The following APBB2 variants were observed in gnomAD, a reference collection of about 807,000 sequenced individuals.
APBB2 encodes Fe65-like 1.
In APBB2, 38 loss-of-function variants were observed where a neutral mutation model predicts 82.5. That is an observed-to-expected ratio of 0.46 (90% confidence interval 0.36 to 0.60). APBB2 has a LOEUF of 0.60. Among genes scored for constraint, APBB2 ranks in the 20% least tolerant of loss-of-function variants. APBB2 has a pLI of 0.00. For synonymous variants in APBB2, 341 were observed against 368.2 expected, an observed-to-expected ratio of 0.93 and a Z score of 0.85; for missense variants, 772 against 972.3, an observed-to-expected ratio of 0.79 and a Z score of 2.74.
intron 12 of APBB2, among the ~76,000 whole-genome samples, chr4:40,838,861 T>C (rs147226963): frequency 5.3e-5 from 8 of 152,204 alleles, no homozygotes; most frequent in African/African-American, 1.7e-4. Flanking sequence ...GGAATTTGCT[T>C]ATGTGTTTAC....
chr4:40,859,037 T>TAC (rs1261337684), intron 12 of APBB2, among the ~76,000 whole-genome samples: 3 of 152,176 alleles, frequency 2.0e-5, no homozygotes, highest in Non-Finnish European at 4.4e-5. Flanking sequence ...TCTCCTTCCT[T>TAC]ACACATCATT....
intron 6 of APBB2, among the ~76,000 whole-genome samples, chr4:40,987,905 C>T (rs1340397006): frequency 6.6e-6 from 1 of 152,090 alleles, no homozygotes; most frequent in East Asian, 1.9e-4. Flanking sequence ...TAAGGTCCCT[C>T]GAATGCTAAG....
intron 5 of APBB2, among the ~76,000 whole-genome samples, chr4:41,023,661 C>T (rs2154434575): frequency 6.6e-6 from 1 of 152,244 alleles, no homozygotes; most frequent in Admixed American, 6.5e-5. Flanking sequence ...AATTACAAAA[C>T]ACTGTTCAAA....
chr4:41,008,232 A>G (rs986841252), intron 6 of APBB2, among the ~76,000 whole-genome samples: 2 of 152,186 alleles, frequency 1.3e-5, no homozygotes, highest in African/African-American at 4.8e-5. Context: ...AGTACCACCA[A>G]CAGGGTTTGG....
At chr4:40,995,675 C>T (rs1460110829) in intron 6 of APBB2, among the ~76,000 whole-genome samples, 1 of 151,768 alleles carries the variant, frequency 6.6e-6, no homozygotes, top group African/African-American at 2.4e-5. Context: ...ACGTAGCTGA[C>T]GCCAGCATGT....
At chr4:40,935,465 C>A (rs1578562029) in intron 7 of APBB2, 1 of 260,756 alleles carries the variant, frequency 3.8e-6, no homozygotes, top group Non-Finnish European at 7.2e-6. Context: ...AACTAGCATA[C>A]CTAATTCCAT....
At position 41,083,550 on chromosome 4, in the gene APBB2, C is replaced by T. The variant is rs368728098; in HGVS notation, c.-149+17089G>A. 2.9e-4 allele frequency among the ~76,000 whole-genome samples: 44 copies of T among 151,634 alleles called. No individual in the cohort carries two copies. The South Asian group carries it at 9.0e-3, about 31-fold the overall frequency. On this transcript the variant is annotated intron_variant, in intron 3 of 17. Coordinates refer to ENST00000508593, the MANE Select transcript of APBB2 (RefSeq NM_004307.2). ...TAAAAACACAAAAATTAGCCGGGCACGGTAGCCCGCACCTATAGTCGCAGC... is the reference window on the plus strand; with the variant it reads ...TAAAAACACAAAAATTAGCCGGGCATGGTAGCCCGCACCTATAGTCGCAGC...
At position 41,059,509 on chromosome 4, in the gene APBB2, T is replaced by TG. The variant is rs1227696646; in HGVS notation, c.-51+6066dup. 2.0e-5 allele frequency among the ~76,000 whole-genome samples: 3 copies of TG among 152,334 alleles called. No homozygotes were observed. In the East Asian group the frequency reaches 5.8e-4, roughly 29 times the overall value. ...CCCTAACGCCCAAGCTGGAAGGTTGTGGGTTTACGCGAATGAGGGCAAGGA... is the reference window on the plus strand; with the variant it reads ...CCCTAACGCCCAAGCTGGAAGGTTGTGGGGTTTACGCGAATGAGGGCAAGGA... On this transcript the variant is annotated intron_variant, in intron 4 of 17. Transcript: ENST00000508593.
Position 41,128,046 on chromosome 4 carries a change from C to G in APBB2, c.-261+14941G>C, listed in dbSNP as rs145522003. Among the ~76,000 whole-genome samples the G allele has an allele frequency of 4.2e-3, 637 of 152,012 alleles. 5 individuals are homozygous for G. Among genetic ancestry groups the G allele is most frequent in the African/African-American group, 0.014 (600 of 41,432 alleles). On this transcript the variant is annotated intron_variant, in intron 2 of 17. Transcript: ENST00000508593. Reference sequence around the variant, plus strand: ...AGTATGCCAAGATTGCACCACTGCACTCCGGCCTGGGTAACAGAGCGAGAC... The same window carrying G: ...AGTATGCCAAGATTGCACCACTGCAGTCCGGCCTGGGTAACAGAGCGAGAC...
chr4:41,141,821 C>T (rs779270580), intron 2 of APBB2, among the ~76,000 whole-genome samples: 24 of 152,176 alleles, frequency 1.6e-4, no homozygotes, highest in Non-Finnish European at 2.9e-4. Context: ...TCTCATAAGA[C>T]TCATTACCTA....
intron 1 of APBB2, among the ~76,000 whole-genome samples, chr4:41,176,646 G>A (rs1769859883): frequency 6.6e-6 from 1 of 152,162 alleles, no homozygotes; most frequent in Non-Finnish European, 1.5e-5. Flanking sequence ...CATGGGTTTA[G>A]TTCAATTCTG....
intron 1 of APBB2, among the ~76,000 whole-genome samples, chr4:41,200,603 T>C (rs1177931608): frequency 6.6e-6 from 1 of 152,238 alleles, no homozygotes; most frequent in African/African-American, 2.4e-5. Flanking sequence ...GAATGCTCAA[T>C]GATTTGAGAA....
chr4:40,982,536 A>G (rs1353172632), intron 6 of APBB2, among the ~76,000 whole-genome samples: 1 of 151,862 alleles, frequency 6.6e-6, no homozygotes, highest in Non-Finnish European at 1.5e-5. Context: ...TAGGAGGTCA[A>G]GGCAGGTGGA....
chr4:41,051,001 C>T (rs1345016555), intron 4 of APBB2, among the ~76,000 whole-genome samples: 2 of 152,186 alleles, frequency 1.3e-5, no homozygotes, highest in African/African-American at 2.4e-5. Flanking sequence ...TCCCTCGACA[C>T]AGGATGCAAG....
In APBB2 at chr4:40,827,114, G is replaced by A. The variant is rs777023287; in HGVS notation, c.1732+18C>T. On this transcript the variant is annotated intron_variant, in intron 14 of 17. Coordinates refer to ENST00000508593, the MANE Select transcript of APBB2 (RefSeq NM_004307.2). ...AGGGACAGGGCCATAATGAAGACAT[G>A]AGGTGCCACTGACTTACCTTGCAAA... The A allele has an allele frequency of 6.2e-7, 1 of 1,611,464 alleles. No individual in the cohort carries two copies. Among genetic ancestry groups the A allele is most frequent in the Non-Finnish European group, 8.5e-7 (1 of 1,177,626 alleles).
intron 1 of APBB2, among the ~76,000 whole-genome samples, chr4:41,163,226 G>T (rs936331791): frequency 3.9e-5 from 6 of 152,304 alleles, no homozygotes; most frequent in African/African-American, 1.4e-4. Flanking sequence ...TAAAAGATCT[G>T]GGGGGAAAGA....
intron 10 of APBB2, among the ~76,000 whole-genome samples, chr4:40,933,936 C>T (rs1235963686): frequency 6.6e-6 from 1 of 152,226 alleles, no homozygotes; most frequent in African/African-American, 2.4e-5. Flanking sequence ...CTGTTAGCAA[C>T]CTACCAGAAG....
At chr4:40,860,592 C>T (rs1762523891) in intron 12 of APBB2, among the ~76,000 whole-genome samples, 1 of 152,158 alleles carries the variant, frequency 6.6e-6, no homozygotes, top group South Asian at 2.1e-4. Context: ...CAAACCACAA[C>T]CATGAGCATA....
At chr4:41,166,319 T>G (rs1272170955) in intron 1 of APBB2, among the ~76,000 whole-genome samples, 1 of 151,846 alleles carries the variant, frequency 6.6e-6, no homozygotes, top group Non-Finnish European at 1.5e-5. Flanking sequence ...GAAGATCACT[T>G]GAGCCCAGGA....
Sources: gnomAD v4.1 joint callset for allele counts (sites outside exome capture counted in the v4.1 genomes callset) on GRCh38, gnomAD v4.1.1 for gene constraint, MANE v1.5 for transcripts, NCBI Gene and HGNC (gene_info 2026-07-23, HGNC 2026-07-21) for gene names.